The following KRABD3 variants were observed in gnomAD, a reference collection of about 807,000 sequenced individuals.
The protein encoded by KRABD3 is KRAB domain containing 3.
the KRABD3 span, chr7:149,728,693 G>C: frequency 1.9e-6 from 3 of 1,611,764 alleles, no homozygotes; most frequent in East Asian, 4.5e-5. Flanking sequence ...TGGCTGCCGG[G>C]GCCCTGGGTG....
At chr7:149,730,934 T>C in the KRABD3 span, among the ~76,000 whole-genome samples, 2 of 152,238 alleles carry the variant, frequency 1.3e-5, no homozygotes, top group Non-Finnish European at 2.9e-5. Context: ...TTTCCCCAGC[T>C]GGGGGTACTT....
chr7:149,728,425 A>AC, the KRABD3 span: 16 of 1,373,002 alleles, frequency 1.2e-5, no homozygotes, highest in East Asian at 6.9e-5. Context: ...CACCCCTGTG[A>AC]CCCCCCTTCC....
the KRABD3 span, chr7:149,715,061 C>G: frequency 8.6e-4 from 1,061 of 1,230,230 alleles, 1 homozygote; most frequent in Non-Finnish European, 1.0e-3. Flanking sequence ...GGGGATGGCG[C>G]GCCAGGTAAG....
chr7:149,722,946 G>A, the KRABD3 span: 6 of 1,593,614 alleles, frequency 3.8e-6, no homozygotes, highest in South Asian at 3.4e-5. Flanking sequence ...CTGGGAGCCC[G>A]CCCTGGGCAG....
chr7:149,719,711 G>A, the KRABD3 span: 1 of 1,579,440 alleles, frequency 6.3e-7, no homozygotes. This position sits in a 1 kb window ranked among gnomAD's most constrained non-coding sequence, Gnocchi z 5.6. Context: ...GCAGGAGCCT[G>A]GTGGGCGGTG....
chr7:149,721,325 T>C, the KRABD3 span: 2 of 1,529,078 alleles, frequency 1.3e-6, no homozygotes, highest in Non-Finnish European at 1.8e-6. Flanking sequence ...AATGTGACAG[T>C]GTGACAATGT....
the KRABD3 span, among the ~76,000 whole-genome samples, chr7:149,718,316 G>A: frequency 6.6e-6 from 1 of 152,092 alleles, no homozygotes; most frequent in Non-Finnish European, 1.5e-5. Flanking sequence ...TATTAGGGGC[G>A]TGTTCATTTT....
the KRABD3 span, chr7:149,733,115 G>A: frequency 6.9e-7 from 1 of 1,442,678 alleles, no homozygotes; most frequent in Non-Finnish European, 9.3e-7. Context: ...GGAGGAGGCA[G>A]AGTACTGAGC....
the KRABD3 span, chr7:149,721,430 C>A: frequency 6.2e-7 from 1 of 1,612,252 alleles, no homozygotes. Context: ...CAGCTGCCTT[C>A]CAGACGGCCC....
At chr7:149,721,054 C>T in the KRABD3 span, 1 of 1,572,808 alleles carries the variant, frequency 6.4e-7, no homozygotes, top group Non-Finnish European at 8.6e-7. Flanking sequence ...AAGCACAAGT[C>T]CACGGCACTG....
chr7:149,722,179 A>C, the KRABD3 span: 2 of 552,814 alleles, frequency 3.6e-6, no homozygotes, highest in African/African-American at 1.9e-5. Flanking sequence ...GGCTGCCGGC[A>C]TCACTTCCTG....
chr7:149,721,636 G>T, the KRABD3 span: 10 of 1,283,644 alleles, frequency 7.8e-6, no homozygotes, highest in Non-Finnish European at 1.1e-5. Context: ...TTTTTTCTAG[G>T]ACTCAGTTCC....
chr7:149,720,449 C>G, the KRABD3 span, among the ~76,000 whole-genome samples: 1 of 152,258 alleles, frequency 6.6e-6, no homozygotes, highest in East Asian at 1.9e-4. Flanking sequence ...ATCCCAAGAC[C>G]TCAGATGGTG....
At chr7:149,725,958 G>A in the KRABD3 span, 1 of 1,604,196 alleles carries the variant, frequency 6.2e-7, no homozygotes. Context: ...CAGGCCCCTG[G>A]CCCCCCGAGG....
At chr7:149,718,612 G>A in the KRABD3 span, among the ~76,000 whole-genome samples, 8 of 142,128 alleles carry the variant, frequency 5.6e-5, no homozygotes, top group East Asian at 4.2e-4. Context: ...TCTGCCTTCC[G>A]AGGTCAAGCA....
chr7:149,725,972 C>G, the KRABD3 span: 1 of 1,609,056 alleles, frequency 6.2e-7, no homozygotes, highest in East Asian at 2.2e-5. Context: ...CCCGAGGAAC[C>G]CCCACCAGCT....
At chr7:149,723,069 T>C in the KRABD3 span, 3 of 919,200 alleles carry the variant, frequency 3.3e-6, no homozygotes, top group Middle Eastern at 2.9e-4. Context: ...TGGTCGCTGC[T>C]GTGTTGCCAG....
the KRABD3 span, chr7:149,720,723 T>A: frequency 8.9e-7 from 1 of 1,121,196 alleles, no homozygotes; most frequent in South Asian, 1.5e-5. Context: ...CTCTGGCTGC[T>A]CCTCATGTGG....
the KRABD3 span, chr7:149,725,423 A>G: frequency 6.2e-7 from 1 of 1,611,590 alleles, no homozygotes; most frequent in South Asian, 1.1e-5. Context: ...TGTTCCCAGA[A>G]CCCCCAGCCA....
Sources: gnomAD v4.1 joint callset for allele counts (sites outside exome capture counted in the v4.1 genomes callset) on GRCh38, gnomAD v4.1.1 for gene constraint, Gnocchi (gnomAD v3.1) non-coding constraint, MANE v1.5 for transcripts, NCBI Gene and HGNC (gene_info 2026-07-23, HGNC 2026-07-21) for gene names.